The following GABRA3 variants were observed in gnomAD, a reference collection of about 807,000 sequenced individuals.
The protein encoded by GABRA3 is gamma-aminobutyric acid receptor subunit alpha-3.
Under a neutral mutation model 30.1 loss-of-function variants are expected in GABRA3, and 10 were observed. The ratio of observed to expected loss-of-function variants is 0.33; its 90% CI spans 0.20 to 0.56. GABRA3 has a LOEUF of 0.56. Ranked by LOEUF, GABRA3 falls within the 20% of genes least tolerant of loss-of-function variation. GABRA3 has a pLI of 0.89. For synonymous variants in GABRA3, 151 were observed against 146.8 expected (o/e 1.03, Z -0.21); for missense variants, 233 against 392.0 (o/e 0.59, Z 3.42).
intron 3 of GABRA3, among the ~76,000 whole-genome samples, chrX:152,302,737 C>G (rs1939652985): frequency 9.0e-6 from 1 of 110,548 alleles, no homozygotes. Flanking sequence ...CTGCCTCCCC[C>G]CATTCTCTTG....
intron 9 of GABRA3, among the ~76,000 whole-genome samples, chrX:152,174,730 A>G (rs1259596052): frequency 1.8e-5 from 2 of 111,425 alleles, no homozygotes; most frequent in Non-Finnish European, 3.8e-5. Context: ...ATTTTCTCCC[A>G]TTCTGTAGAT....
chrX:152,419,282 A>G (rs1369228454), intron 1 of GABRA3, among the ~76,000 whole-genome samples: 3 of 111,563 alleles, frequency 2.7e-5, no homozygotes, highest in Non-Finnish European at 5.6e-5. Context: ...CCTAAAACTT[A>G]AAGTATAATA....
At chrX:152,212,949 C>T (rs1937650926) in intron 6 of GABRA3, among the ~76,000 whole-genome samples, 1 of 111,006 alleles carries the variant, frequency 9.0e-6, no homozygotes, top group South Asian at 3.8e-4. Context: ...TCCAATCATT[C>T]TATTTCCATA....
At chrX:152,373,625 C>CT (rs913830422) in intron 1 of GABRA3, among the ~76,000 whole-genome samples, 15 of 110,376 alleles carry the variant, frequency 1.4e-4, no homozygotes, top group South Asian at 3.9e-4. Context: ...ATTTGCATTT[C>CT]TTTTTTTTTA....
At chrX:152,356,660 T>C (rs1940554364) in intron 2 of GABRA3, among the ~76,000 whole-genome samples, 1 of 111,322 alleles carries the variant, frequency 9.0e-6, no homozygotes, top group South Asian at 3.8e-4. Context: ...TTATATGTCA[T>C]GAGGGTTGGT....
chrX:152,171,426 A>T, intron 9 of GABRA3: 1 of 608,629 alleles, frequency 1.6e-6, no homozygotes, highest in Non-Finnish European at 2.0e-6. Flanking sequence ...TTTTTTACCT[A>T]AATCATTAAA....
chrX:152,269,758 G>A (rs1938893602), intron 4 of GABRA3, among the ~76,000 whole-genome samples: 1 of 112,176 alleles, frequency 8.9e-6, no homozygotes, highest in African/African-American at 3.2e-5. Context: ...AGTCTCATTA[G>A]TAAATAGTGC....
chrX:152,299,603 C>T (rs1939594913), intron 3 of GABRA3, among the ~76,000 whole-genome samples: 1 of 111,579 alleles, frequency 9.0e-6, no homozygotes, highest in South Asian at 3.8e-4. Flanking sequence ...ACCACAAAAC[C>T]ACTTGATAGT....
At chrX:152,171,294 G>A (rs1384926132) in intron 9 of GABRA3, 3 of 204,990 alleles carry the variant, frequency 1.5e-5, no homozygotes, top group African/African-American at 9.1e-5. Context: ...GGCACTTTAT[G>A]TTCTATAGAT....
rs184494556 is a variant in GABRA3 at position 152,423,160 on chromosome X, G to A, written c.-27+27986C>T. On this transcript the variant is annotated intron_variant, in intron 1 of 9. Coordinates refer to ENST00000370314, the MANE Select transcript of GABRA3 (RefSeq NM_000808.4). ...CATTGTAGTACTAGAATATTTGTGT[G>A]TCATGATGTGTATGCACCAAAACAC... is the stretch of plus-strand genomic sequence containing the variant. 1.7e-3 allele frequency among the ~76,000 whole-genome samples: 193 copies of A among 112,016 alleles called. 2 individuals carry two copies. The highest frequency in any genetic ancestry group is 5.8e-3 in the African/African-American group (180 of 30,929).
At chrX:152,366,380 T>G (rs11795523) in intron 1 of GABRA3, among the ~76,000 whole-genome samples, 12,264 of 111,092 alleles carry the variant, frequency 0.11, 547 homozygotes, top group African/African-American at 0.13. Flanking sequence ...CATGAGTCCA[T>G]GAGTAACAAT....
intron 7 of GABRA3, among the ~76,000 whole-genome samples, chrX:152,200,096 G>A (rs768223959): frequency 1.8e-5 from 2 of 111,911 alleles, no homozygotes; most frequent in African/African-American, 6.5e-5. Context: ...GTCAGATCTT[G>A]TCTGTCTTCT....
chrX:152,415,664 T>C (rs745617571), intron 1 of GABRA3, among the ~76,000 whole-genome samples: 1 of 111,542 alleles, frequency 9.0e-6, no homozygotes, highest in African/African-American at 3.2e-5. Flanking sequence ...TAATGAAGTC[T>C]ATGGCATAGT....
chrX:152,400,092 C>T (rs887575002), intron 1 of GABRA3, among the ~76,000 whole-genome samples: 2 of 111,761 alleles, frequency 1.8e-5, no homozygotes, highest in African/African-American at 6.5e-5. Flanking sequence ...AGGATACACA[C>T]ACGTCACTCT....
At chrX:152,390,080 G>A (rs1000689183) in intron 1 of GABRA3, among the ~76,000 whole-genome samples, 2 of 111,870 alleles carry the variant, frequency 1.8e-5, no homozygotes, top group Non-Finnish European at 3.8e-5. Flanking sequence ...AAATAGCAAT[G>A]TGGTATGAAC....
chrX:152,386,861 G>A (rs1448309500), intron 1 of GABRA3, among the ~76,000 whole-genome samples: 2 of 108,671 alleles, frequency 1.8e-5, no homozygotes, highest in Non-Finnish European at 3.8e-5. Flanking sequence ...TGTTTATTGT[G>A]GCACTATTTA....
intron 1 of GABRA3, among the ~76,000 whole-genome samples, chrX:152,403,266 A>G (rs938216674): frequency 8.9e-6 from 1 of 111,853 alleles, no homozygotes; most frequent in African/African-American, 3.2e-5. Context: ...AGATGGACAA[A>G]TAATAAATAA....
At position 152,350,762 on chromosome X, in the gene GABRA3, C is replaced by T. The variant is rs778989589; in HGVS notation, c.141-5060G>A. On this transcript the variant is annotated intron_variant, in intron 2 of 9. Coordinates refer to ENST00000370314, the MANE Select transcript of GABRA3 (RefSeq NM_000808.4). ...GGTTTTCAATGGGCTTTTCTTGGAT[C>T]CATCAGAGGAATCACTATCTATGGA... 5.4e-5 allele frequency among the ~76,000 whole-genome samples: 6 copies of T among 111,435 alleles called. No individual in the cohort carries two copies. The South Asian group carries it at 2.3e-3, about 42-fold the overall frequency.
At chrX:152,316,338 G>A (rs2124463368) in intron 3 of GABRA3, among the ~76,000 whole-genome samples, 1 of 111,616 alleles carries the variant, frequency 9.0e-6, no homozygotes, top group East Asian at 2.9e-4. Flanking sequence ...AATGAACAAA[G>A]ACTCCAAGAA....
Sources: allele counts gnomAD v4.1 joint callset (sites outside exome capture counted in the v4.1 genomes callset), GRCh38; gene constraint gnomAD v4.1.1; transcripts MANE v1.5; gene names NCBI Gene and HGNC (gene_info 2026-07-23, HGNC 2026-07-21).